The following PXDN variants were observed in gnomAD, a reference collection of about 807,000 sequenced individuals.
The protein encoded by PXDN is peroxidasin, also known as peroxidasin homolog.
Under a neutral mutation model 140.3 loss-of-function variants are expected in PXDN, and 77 were observed. The observed-to-expected ratio is 0.55, with a 90% CI of 0.46 to 0.66. The LOEUF is 0.66. Ranked by LOEUF, PXDN falls within the 30% of genes least tolerant of loss-of-function variation. The pLI, the probability that PXDN is intolerant of heterozygous loss-of-function variation, is 0.00. For synonymous variants in PXDN, 911 were observed against 857.4 expected, an observed-to-expected ratio of 1.06 and a Z score of -1.09; for missense variants, 1,838 against 2,039.5, an observed-to-expected ratio of 0.90 and a Z score of 1.90.
chr2:1,705,121 A>AGCCGT (rs1684561130), intron 1 of PXDN, among the ~76,000 whole-genome samples: 1 of 33,472 alleles, frequency 3.0e-5, no homozygotes, highest in Admixed American at 1.8e-4. Flanking sequence ...CCGTGAGAGC[A>AGCCGT]GAGGGCACGT....
chr2:1,666,396 G>A lies in PXDN; in HGVS notation c.1109C>T (p.Pro370Leu), dbSNP rs377274038. The A allele has an allele frequency of 1.4e-4, 233 of 1,613,670 alleles. No homozygotes were observed. The highest frequency in any genetic ancestry group is 1.9e-4 in the African/African-American group (14 of 74,934). The change falls in exon 10 of 23, where the codon CCG becomes CTG. Residue 370 changes from proline (P) to leucine (L), a missense_variant. This residue lies in a region of PXDN where 208 missense variants were observed against 325.8 expected (regional missense o/e 0.64). Coordinates refer to ENST00000252804, the MANE Select transcript of PXDN (RefSeq NM_012293.3). ...ACCTCTCGTCCAGGAGATCCGCGGC[G>A]GGGGGTGGCCTGTGGCGCTGCACTC... ...TLECSATGHP[P>L]PRISWTRGDR...
In PXDN at chr2:1,716,382, G is replaced by A. The variant is rs546805597; in HGVS notation, c.201-23248C>T. Reference sequence around the variant, plus strand: ...GAACCCGGGAGGTGGAGGTTGCGGTGAGCCGAGACCATGCCACTGCACTCC... The same window carrying A: ...GAACCCGGGAGGTGGAGGTTGCGGTAAGCCGAGACCATGCCACTGCACTCC... On this transcript the variant is annotated intron_variant, in intron 1 of 22. Transcript: ENST00000252804. Among the ~76,000 whole-genome samples, 3 of 144,854 alleles carry A rather than the reference G, an allele frequency of 2.1e-5. No homozygotes were observed. The East Asian group carries it at 6.7e-4, about 32-fold the overall frequency.
intron 1 of PXDN, among the ~76,000 whole-genome samples, chr2:1,719,876 AAGAGAGAGAGGGAGGGAGATTC>A (rs1684980395): frequency 5.1e-5 from 4 of 78,588 alleles, no homozygotes; most frequent in South Asian, 4.5e-4. Context: ...GTGTGTGTGA[AAGAGAGAGAGGGAGGGAGATTC>A]AGAGAGAGAG....
At position 1,714,393 on chromosome 2, in the gene PXDN, A is replaced by T. The variant is rs75856690; in HGVS notation, c.201-21259T>A. Among the ~76,000 whole-genome samples the T allele has an allele frequency of 9.8e-4, 149 of 152,274 alleles. 3 individuals are homozygous for T. In the East Asian group the frequency reaches 0.026, roughly 26 times the overall value. ...GAGGAGATCAGGTCTTGCCTCTGCC[A>T]AGAAGATGGGGCTACTGTGGGAGCA... On this transcript the variant is annotated intron_variant, in intron 1 of 22. Transcript: ENST00000252804. This position sits in a 1 kb window ranked among gnomAD's most constrained non-coding sequence, Gnocchi z 4.3.
chr2:1,676,760 G>A (rs569506006), intron 8 of PXDN, among the ~76,000 whole-genome samples, 167 bp downstream of exon 8: 1 of 152,344 alleles, frequency 6.6e-6, no homozygotes, highest in South Asian at 2.1e-4. Context: ...CACACCCCCT[G>A]CCATGTAAGA....
At chr2:1,634,620 G>A (rs1307400481) in intron 22 of PXDN, among the ~76,000 whole-genome samples, 1 of 152,208 alleles carries the variant, frequency 6.6e-6, no homozygotes, top group African/African-American at 2.4e-5. Context: ...AAGACCACCA[G>A]CTGGACACAT....
chr2:1,681,555 T>G (rs1461783654), intron 6 of PXDN, among the ~76,000 whole-genome samples: 1 of 150,996 alleles, frequency 6.6e-6, no homozygotes, highest in African/African-American at 2.4e-5. Context: ...GGGCCGACGC[T>G]GGCTCCAGGA....
intron 1 of PXDN, among the ~76,000 whole-genome samples, chr2:1,716,114 T>G (rs981860532): frequency 6.6e-6 from 1 of 152,106 alleles, no homozygotes; most frequent in Non-Finnish European, 1.5e-5. Context: ...TGCCTGGGCC[T>G]CTCTGAGCCT....
rs1191973289 is a variant in PXDN at position 1,714,139 on chromosome 2, C to T, written c.201-21005G>A. 6.6e-6 allele frequency among the ~76,000 whole-genome samples: 1 copy of T among 152,260 alleles called. No individual in the cohort carries two copies. The highest frequency in any genetic ancestry group is 6.5e-5 in the Admixed American group (1 of 15,288). ...TTGGTGACTTCCCCGCCACAACACC[C>T]ATCCACATCCAGGATACTGTTTTTT... On this transcript the variant is annotated intron_variant, in intron 1 of 22. Coordinates refer to ENST00000252804, the MANE Select transcript of PXDN (RefSeq NM_012293.3). The surrounding 1 kb of genome is among the most constrained non-coding windows in gnomAD (Gnocchi z 4.3).
At chr2:1,636,866 T>TAGA in intron 21 of PXDN, 1 of 152,230 alleles carries the variant, frequency 6.6e-6, no homozygotes, top group Admixed American at 6.5e-5. Flanking sequence ...CACGCCGGCC[T>TAGA]GTGTGTGCCT....
intron 11 of PXDN, 76 bp from the exon 12 acceptor site, chr2:1,663,839 C>A (rs1683367639): frequency 6.5e-7 from 1 of 1,548,452 alleles, no homozygotes. Flanking sequence ...ACAGCATGAC[C>A]ACAGAAGCTT....
chr2:1,653,861 T>C (rs1683070058), intron 15 of PXDN, 76 bp from the exon 16 acceptor site: 4 of 1,389,484 alleles, frequency 2.9e-6, no homozygotes, highest in East Asian at 2.5e-5. Flanking sequence ...CCCCAAAATA[T>C]AATCATTGCT....
intron 1 of PXDN, among the ~76,000 whole-genome samples, chr2:1,708,931 C>T (rs1194800913): frequency 6.6e-6 from 1 of 152,174 alleles, no homozygotes; most frequent in African/African-American, 2.4e-5. Flanking sequence ...AGAATGCTGG[C>T]TCCAAAACAC....
intron 9 of PXDN, among the ~76,000 whole-genome samples, chr2:1,668,308 G>A (rs949263143): frequency 5.9e-5 from 9 of 152,062 alleles, no homozygotes; most frequent in African/African-American, 2.2e-4. Flanking sequence ...ACTCAAAGAT[G>A]GATTAAAGAC....
intron 19 of PXDN, among the ~76,000 whole-genome samples, chr2:1,641,118 T>C (rs1479419235): frequency 1.3e-5 from 2 of 152,208 alleles, no homozygotes; most frequent in Admixed American, 6.5e-5. Flanking sequence ...GATGAAAAGT[T>C]GTAGCTCAAG....
At chr2:1,674,528 G>A (rs1683652167) in intron 8 of PXDN, among the ~76,000 whole-genome samples, 1 of 152,144 alleles carries the variant, frequency 6.6e-6, no homozygotes, top group Admixed American at 6.6e-5. Flanking sequence ...ACCTCCCCTG[G>A]GGCCATGCTG....
chr2:1,717,354 A>C (rs1684919628), intron 1 of PXDN, among the ~76,000 whole-genome samples: 1 of 152,144 alleles, frequency 6.6e-6, no homozygotes, highest in Non-Finnish European at 1.5e-5. Flanking sequence ...GGTTCTGCGG[A>C]TCAGTCCAAA....
At chr2:1,711,769 C>T (rs1465203496) in intron 1 of PXDN, among the ~76,000 whole-genome samples, 1 of 152,222 alleles carries the variant, frequency 6.6e-6, no homozygotes, top group African/African-American at 2.4e-5. Flanking sequence ...GTGGTGATGA[C>T]GCCCCTAAAC....
intron 9 of PXDN, among the ~76,000 whole-genome samples, chr2:1,667,591 A>T (rs1420719627): frequency 6.6e-6 from 1 of 152,206 alleles, no homozygotes; most frequent in Non-Finnish European, 1.5e-5. Flanking sequence ...GCTTATAAAC[A>T]ACTTCAGCAG....
Sources: allele counts gnomAD v4.1 joint callset (sites outside exome capture counted in the v4.1 genomes callset), GRCh38; gene constraint gnomAD v4.1.1; regional missense constraint gnomAD v4.1.1; non-coding constraint Gnocchi (gnomAD v3.1); transcripts MANE v1.5; gene names NCBI Gene and HGNC (gene_info 2026-07-23, HGNC 2026-07-21).